GOLPH3: variants seen among roughly 807,000 people sequenced by gnomAD.
The protein encoded by GOLPH3 is golgi phosphoprotein 3.
In GOLPH3, 14 loss-of-function variants were observed where a neutral mutation model predicts 28.5. The ratio of observed to expected loss-of-function variants is 0.49; its 90% CI spans 0.32 to 0.77. The LOEUF (loss-of-function observed/expected upper bound fraction) is 0.77, where lower values mean the gene tolerates loss of function less well. Among genes scored for constraint, GOLPH3 ranks in the 30% least tolerant of loss-of-function variants. GOLPH3 has a pLI of 0.03. For missense variants in GOLPH3, 350 were observed against 393.7 expected (o/e 0.89, Z 0.94); for synonymous variants, 158 against 159.2 (o/e 0.99, Z 0.06).
Position 32,174,002 on chromosome 5 carries a change from C to T in GOLPH3, c.33G>A (p.Leu11=), listed in dbSNP as rs1482983160. Residue 11 remains leucine, a synonymous_variant, in exon 1 of 4, where the codon CTG becomes CTA. Coordinates refer to ENST00000265070, the MANE Select transcript of GOLPH3 (RefSeq NM_022130.4). MTSLTQRSSG[L]VQRRTEASRN... ...GGGAGGCCTCGGTGCGCCGCTGCAC[C>T]AGGCCGGAGCTGCGCTGGGTCAGCG... is the stretch of plus-strand genomic sequence containing the variant. The T allele has an allele frequency of 1.5e-6, 2 of 1,329,286 alleles. No individual in the cohort carries two copies. Among genetic ancestry groups the T allele is most frequent in the Non-Finnish European group, 1.9e-6 (2 of 1,050,134 alleles). 82.3% of individuals were successfully genotyped at this position (1,329,286 alleles called of 1,614,324 possible).
intron 1 of GOLPH3, among the ~76,000 whole-genome samples, chr5:32,157,454 T>C (rs1167143491): frequency 2.6e-5 from 4 of 152,176 alleles, no homozygotes; most frequent in Non-Finnish European, 5.9e-5. Context: ...TCAATCCCAA[T>C]TCAAAGATGG....
At chr5:32,128,686 A>G (rs1159913544) in intron 3 of GOLPH3, among the ~76,000 whole-genome samples, 1 of 152,144 alleles carries the variant, frequency 6.6e-6, no homozygotes, top group Non-Finnish European at 1.5e-5. Context: ...AAAACAAAAA[A>G]TTAAAAACAA....
rs537504976 is a variant in GOLPH3 at position 32,138,492 on chromosome 5, C to G, written c.358-2806G>C. On this transcript the variant is annotated intron_variant, in intron 2 of 3. Coordinates refer to ENST00000265070, the MANE Select transcript of GOLPH3 (RefSeq NM_022130.4). Reference sequence around the variant, plus strand: ...TGTTGGTGTGCTGCACCCATTAACTCGTCATTTAGCATTAGGTATATCTCC... The same window carrying G: ...TGTTGGTGTGCTGCACCCATTAACTGGTCATTTAGCATTAGGTATATCTCC... Among the ~76,000 whole-genome samples the G allele has an allele frequency of 5.8e-4, 88 of 152,064 alleles. 1 individual carries two copies. The South Asian group carries it at 0.01, about 18-fold the overall frequency.
At chr5:32,150,113 T>C (rs1173173228) in intron 1 of GOLPH3, among the ~76,000 whole-genome samples, 1 of 151,896 alleles carries the variant, frequency 6.6e-6, no homozygotes, top group Non-Finnish European at 1.5e-5. Flanking sequence ...TTATATAAAA[T>C]TAAACACCAG....
intron 1 of GOLPH3, among the ~76,000 whole-genome samples, chr5:32,162,528 C>A (rs550902346): frequency 1.3e-5 from 2 of 151,738 alleles, no homozygotes; most frequent in South Asian, 4.2e-4. Context: ...AAAAAATACA[C>A]GCATAGATGA....
rs533202412 is a variant in GOLPH3 at position 32,131,480 on chromosome 5, T to G, written c.472+4092A>C. Among the ~76,000 whole-genome samples, 38 of 152,388 alleles carry G rather than the reference T, an allele frequency of 2.5e-4. No homozygotes were observed. The South Asian group carries it at 7.9e-3, about 32-fold the overall frequency. On this transcript the variant is annotated intron_variant, in intron 3 of 3. Transcript: ENST00000265070. ...GCTTCTAAAGATTTAGCTACTTCAA[T>G]TTTTAAAAGTGAATACTTTTTAAAT...
At chr5:32,148,862 C>G (rs1299315534) in intron 1 of GOLPH3, among the ~76,000 whole-genome samples, 2 of 152,172 alleles carry the variant, frequency 1.3e-5, no homozygotes, top group African/African-American at 2.4e-5. Context: ...GTAATCCCAG[C>G]TACTCAGGAG....
At position 32,136,205 on chromosome 5, in the gene GOLPH3, C is replaced by T. The variant is rs141118413; in HGVS notation, c.358-519G>A. Among the ~76,000 whole-genome samples, 583 of 152,088 alleles carry T rather than the reference C, an allele frequency of 3.8e-3. 5 individuals carry two copies. The highest frequency in any genetic ancestry group is 0.013 in the African/African-American group (547 of 41,506). The stretch of plus-strand genomic sequence containing the variant: ...AAAGAAAAGCAAGCTACTGGCCGGG[C>T]ATGGTGGCTCACTCCTGTAATCCCA... On this transcript the variant is annotated intron_variant, in intron 2 of 3. Coordinates refer to ENST00000265070, the MANE Select transcript of GOLPH3 (RefSeq NM_022130.4).
chr5:32,130,979 C>T (rs74689186), intron 3 of GOLPH3, among the ~76,000 whole-genome samples: 1 of 152,178 alleles, frequency 6.6e-6, no homozygotes, highest in Admixed American at 6.5e-5. Context: ...ATTAGAAGAG[C>T]CTAAACACAG....
At chr5:32,160,903 T>C (rs1444670193) in intron 1 of GOLPH3, among the ~76,000 whole-genome samples, 1 of 151,012 alleles carries the variant, frequency 6.6e-6, no homozygotes, top group Non-Finnish European at 1.5e-5. Context: ...CCGTCGCTAC[T>C]AAAAATACAA....
intron 1 of GOLPH3, among the ~76,000 whole-genome samples, chr5:32,151,783 C>G (rs991011067): frequency 7.2e-5 from 11 of 152,274 alleles, no homozygotes; most frequent in African/African-American, 2.4e-4. Context: ...TTCTGATACA[C>G]AGATCTATGT....
chr5:32,151,252 C>T (rs986413007), intron 1 of GOLPH3, among the ~76,000 whole-genome samples: 17 of 149,044 alleles, frequency 1.1e-4, no homozygotes, highest in African/African-American at 3.7e-4. Flanking sequence ...TGAGGCCAGG[C>T]ACAGTGGCTT....
At chr5:32,150,376 C>T (rs1325068845) in intron 1 of GOLPH3, among the ~76,000 whole-genome samples, 2 of 147,358 alleles carry the variant, frequency 1.4e-5, no homozygotes, top group Non-Finnish European at 3.0e-5. Context: ...AAAATAGCAA[C>T]AGATTTTCCC....
At chr5:32,164,417 G>A (rs925328302) in intron 1 of GOLPH3, among the ~76,000 whole-genome samples, 29 of 149,452 alleles carry the variant, frequency 1.9e-4, no homozygotes, top group African/African-American at 5.9e-4. Flanking sequence ...TTTTTGAGAC[G>A]GAGTCTCACT....
intron 1 of GOLPH3, among the ~76,000 whole-genome samples, chr5:32,162,592 A>T (rs1746610643): frequency 6.6e-6 from 1 of 152,240 alleles, no homozygotes; most frequent in African/African-American, 2.4e-5. Flanking sequence ...AGTGCAAGAG[A>T]ATCAAGAAAT....
In GOLPH3 at chr5:32,174,298, G is replaced by A. The variant is rs909522450; in HGVS notation, c.-264C>T. ...ACACCCCGAGCTCCAAGGCGGAGGC[G>A]GCGGCGGCGCCTTTCCAATATGGCG... On this transcript the variant is annotated 5_prime_UTR_variant, in exon 1 of 4. Coordinates refer to ENST00000265070, the MANE Select transcript of GOLPH3 (RefSeq NM_022130.4). The A allele has an allele frequency of 1.5e-5, 5 of 329,272 alleles. No individual in the cohort carries two copies. The highest frequency in any genetic ancestry group is 2.2e-5 in the Non-Finnish European group (4 of 182,032). The allele number at this position is 329,272 out of a possible 1,614,324, so 20.4% of individuals were successfully genotyped here.
Position 32,145,346 on chromosome 5 carries a change from G to A in GOLPH3, c.226-1466C>T, listed in dbSNP as rs984697842. Among the ~76,000 whole-genome samples, 6 of 152,284 alleles carry A rather than the reference G, an allele frequency of 3.9e-5. No homozygotes were observed. The South Asian group carries it at 6.2e-4, about 16-fold the overall frequency. On this transcript the variant is annotated intron_variant, in intron 1 of 3. Coordinates refer to ENST00000265070, the MANE Select transcript of GOLPH3 (RefSeq NM_022130.4). ...AGGGAGTCACTTTAAACTTAGGGTC[G>A]GGGCCTGATCAAATGAAGATTACCA...
intron 1 of GOLPH3, among the ~76,000 whole-genome samples, chr5:32,154,900 G>C (rs1373560127): frequency 6.6e-6 from 1 of 152,026 alleles, no homozygotes; most frequent in African/African-American, 2.4e-5. Flanking sequence ...CTGGCCAACA[G>C]GGTGAAACCC....
At chr5:32,160,298 G>A (rs967754900) in intron 1 of GOLPH3, among the ~76,000 whole-genome samples, 12 of 152,016 alleles carry the variant, frequency 7.9e-5, no homozygotes, top group Non-Finnish European at 1.8e-4. Flanking sequence ...GGCTGGTCTC[G>A]AACTCCTGGA....
Sources: allele counts gnomAD v4.1 joint callset (sites outside exome capture counted in the v4.1 genomes callset), GRCh38; gene constraint gnomAD v4.1.1; transcripts MANE v1.5; gene names NCBI Gene and HGNC (gene_info 2026-07-23, HGNC 2026-07-21).